Variants in KLHL3 observed in about 807,000 individuals in gnomAD.
KLHL3 encodes the protein kelch-like protein 3.
A neutral mutation model predicts 70.5 loss-of-function variants in KLHL3; 19 were observed. The ratio of observed to expected loss-of-function variants is 0.27; its 90% CI spans 0.19 to 0.40. The LOEUF (loss-of-function observed/expected upper bound fraction) is 0.40. KLHL3 is among the 10% of genes least tolerant of loss of function. The probability of loss-of-function intolerance (pLI) is 1.00; values close to 1 mark genes in which losing one functional copy is unlikely to be tolerated. For missense variants in KLHL3, 512 were observed against 771.1 expected, an observed-to-expected ratio of 0.66 and a Z score of 3.98; for synonymous variants, 258 against 290.3, an observed-to-expected ratio of 0.89 and a Z score of 1.13.
chr5:137,669,545 C>T (rs1443713860), intron 6 of KLHL3, among the ~76,000 whole-genome samples: 1 of 152,174 alleles, frequency 6.6e-6, no homozygotes, highest in African/African-American at 2.4e-5. Flanking sequence ...TCTATTACTA[C>T]CTACAGCCAG....
intron 6 of KLHL3, among the ~76,000 whole-genome samples, chr5:137,663,058 T>C: frequency 1.4e-5 from 1 of 71,468 alleles, no homozygotes; most frequent in African/African-American, 1.1e-4. Flanking sequence ...CACTCGTTCT[T>C]TTTTTTTTTT....
At chr5:137,717,045 C>A (rs536340208) in intron 2 of KLHL3, among the ~76,000 whole-genome samples, 1 of 152,348 alleles carries the variant, frequency 6.6e-6, no homozygotes, top group East Asian at 1.9e-4. Flanking sequence ...TAGACAAGAT[C>A]TGCCAGGGGC....
In KLHL3 at chr5:137,634,032, C is replaced by T; in HGVS notation, c.1450+5G>A. ...CACAGCCAGCACCCCGAGGTTCTCC[C>T]ATACCTGCGCCACTGCGGCGGGTGC... is the stretch of plus-strand genomic sequence containing the variant. On this transcript the variant is annotated splice_donor_5th_base_variant and intron_variant, in intron 12 of 14. Transcript: ENST00000309755. The T allele has an allele frequency of 6.2e-7, 1 of 1,614,196 alleles. No homozygotes were observed. The highest frequency in any genetic ancestry group is 8.5e-7 in the Non-Finnish European group (1 of 1,180,040).
intron 4 of KLHL3, among the ~76,000 whole-genome samples, chr5:137,697,290 A>C (rs747559567): frequency 6.6e-6 from 1 of 151,964 alleles, no homozygotes; most frequent in African/African-American, 2.4e-5. Flanking sequence ...CGGCCTCCCA[A>C]GTAGATGGAA....
Position 137,709,936 on chromosome 5 carries a change from C to T in KLHL3, c.135-80G>A, listed in dbSNP as rs1008612219. On this transcript the variant is annotated intron_variant, in intron 2 of 14. Coordinates refer to ENST00000309755, the MANE Select transcript of KLHL3 (RefSeq NM_017415.3). ...ATCTTACAAGGGTATTTTTTTCTCCCACCCAGATTTCACACTATCACTATA... is the reference window on the plus strand; with the variant it reads ...ATCTTACAAGGGTATTTTTTTCTCCTACCCAGATTTCACACTATCACTATA... The T allele has an allele frequency of 7.1e-6, 8 of 1,127,774 alleles. No individual in the cohort carries two copies. In the Admixed American group the frequency reaches 1.2e-4, roughly 17 times the overall value. 69.9% of individuals were successfully genotyped at this position (1,127,774 alleles called of 1,614,324 possible).
rs1580779404 is a variant in KLHL3, at chr5:137,709,683, C to T, written c.241+67G>A. The T allele has an allele frequency of 4.8e-6, 6 of 1,262,958 alleles. No individual in the cohort carries two copies. The South Asian group carries it at 6.0e-5, about 13-fold the overall frequency. The allele number at this position is 1,262,958 out of a possible 1,614,324, so 78.2% of individuals were successfully genotyped here. On this transcript the variant is annotated intron_variant, in intron 3 of 14. Coordinates refer to ENST00000309755, the MANE Select transcript of KLHL3 (RefSeq NM_017415.3). ...TTTCCTCCCTCCCCTCATGTCACCA[C>T]CCCCAACATTCTCCCAGTGGGGCTG...
chr5:137,623,400 G>A (rs1458133165), intron 14 of KLHL3, among the ~76,000 whole-genome samples: 1 of 152,228 alleles, frequency 6.6e-6, no homozygotes, highest in Non-Finnish European at 1.5e-5. Flanking sequence ...GGCTAAAGGT[G>A]CAGACACAGA....
chr5:137,677,121 A>T (rs531010694), intron 6 of KLHL3, among the ~76,000 whole-genome samples: 39 of 148,732 alleles, frequency 2.6e-4, no homozygotes, highest in African/African-American at 9.6e-4. Context: ...TAAAGGGATT[A>T]AAAAAAAAAG....
intron 3 of KLHL3, among the ~76,000 whole-genome samples, chr5:137,708,716 G>A (rs1185334299): frequency 6.6e-6 from 1 of 152,188 alleles, no homozygotes; most frequent in Non-Finnish European, 1.5e-5. Flanking sequence ...CAAGTTATAG[G>A]ATAGAGAGAG....
intron 6 of KLHL3, among the ~76,000 whole-genome samples, chr5:137,675,273 A>G (rs558806422): frequency 2.0e-4 from 30 of 152,358 alleles, no homozygotes; most frequent in African/African-American, 7.0e-4. Flanking sequence ...TTTTAAGTGT[A>G]TACATTTTAA....
chr5:137,627,346 C>A (rs1447924167), intron 13 of KLHL3, among the ~76,000 whole-genome samples: 1 of 151,968 alleles, frequency 6.6e-6, no homozygotes, highest in African/African-American at 2.4e-5. Context: ...ACATTTACAT[C>A]TAAACTGAAT....
intron 5 of KLHL3, among the ~76,000 whole-genome samples, chr5:137,685,783 T>G (rs1752147856): frequency 6.6e-6 from 1 of 152,150 alleles, no homozygotes; most frequent in African/African-American, 2.4e-5. Flanking sequence ...AACCTCAACC[T>G]CCCAAGTAGC....
At chr5:137,714,774 T>A in intron 2 of KLHL3, among the ~76,000 whole-genome samples, 1 of 152,134 alleles carries the variant, frequency 6.6e-6, no homozygotes, top group East Asian at 1.9e-4. Context: ...AACGGGTAAA[T>A]TGTATGGCAT....
At chr5:137,674,171 C>T (rs1751829678) in intron 6 of KLHL3, among the ~76,000 whole-genome samples, 1 of 152,196 alleles carries the variant, frequency 6.6e-6, no homozygotes, top group African/African-American at 2.4e-5. Context: ...AGATACTATA[C>T]TACCATTACT....
At chr5:137,668,492 C>T (rs185553449) in intron 6 of KLHL3, among the ~76,000 whole-genome samples, 1 of 152,270 alleles carries the variant, frequency 6.6e-6, no homozygotes, top group Non-Finnish European at 1.5e-5. Flanking sequence ...AATTACAATC[C>T]TCCACGCCCT....
chr5:137,630,179 T>C (rs556733213), intron 12 of KLHL3, among the ~76,000 whole-genome samples: 1 of 152,324 alleles, frequency 6.6e-6, no homozygotes, highest in Non-Finnish European at 1.5e-5. Flanking sequence ...AAGGCTGACC[T>C]GGGAGCCTGA....
chr5:137,621,999 C>T lies in KLHL3; in HGVS notation c.*99G>A. ...AGAGCGGTTCTCACAGCAGCACAGA[C>T]CCTCCCAAGCAAGTTGAATCCAGTC... On this transcript the variant is annotated 3_prime_UTR_variant, in exon 15 of 15. Transcript: ENST00000309755. The T allele has an allele frequency of 7.7e-7, 1 of 1,293,472 alleles. No homozygotes were observed. Among genetic ancestry groups the T allele is most frequent in the Non-Finnish European group, 1.1e-6 (1 of 888,316 alleles). The allele number at this position is 1,293,472 out of a possible 1,614,324, so 80.1% of individuals were successfully genotyped here. A position where few individuals can be genotyped will look rare whatever the true frequency, so the allele number is the denominator to read the frequency against.
At chr5:137,679,376 C>T (rs1211480536) in intron 5 of KLHL3, among the ~76,000 whole-genome samples, 1 of 152,180 alleles carries the variant, frequency 6.6e-6, no homozygotes, top group Admixed American at 6.5e-5. Flanking sequence ...TCAGCAGGAC[C>T]ACACGGTTCT....
At chr5:137,681,866 G>A (rs1752034739) in intron 5 of KLHL3, among the ~76,000 whole-genome samples, 1 of 152,070 alleles carries the variant, frequency 6.6e-6, no homozygotes, top group Non-Finnish European at 1.5e-5. Context: ...TGTCCTGATT[G>A]GTAAAACACA....
Sources: allele counts gnomAD v4.1 joint callset (sites outside exome capture counted in the v4.1 genomes callset), GRCh38; gene constraint gnomAD v4.1.1; transcripts MANE v1.5; gene names NCBI Gene and HGNC (gene_info 2026-07-23, HGNC 2026-07-21).